PRKCB: variants seen among roughly 807,000 people sequenced by gnomAD.
The protein encoded by PRKCB is protein kinase C beta type.
A neutral mutation model predicts 81.5 loss-of-function variants in PRKCB; 13 were observed. That is an observed-to-expected ratio of 0.16 (90% CI 0.10 to 0.25). The LOEUF (loss-of-function observed/expected upper bound fraction) is 0.25. PRKCB is among the 10% of genes least tolerant of loss of function. The pLI is 1.00. For synonymous variants in PRKCB, 335 were observed against 321.4 expected, an observed-to-expected ratio of 1.04 and a Z score of -0.45; for missense variants, 509 against 875.7, an observed-to-expected ratio of 0.58 and a Z score of 5.29.
intron 9 of PRKCB, among the ~76,000 whole-genome samples, chr16:24,127,155 C>T (rs770592745): frequency 5.9e-5 from 9 of 151,878 alleles, no homozygotes; most frequent in African/African-American, 1.9e-4. Flanking sequence ...TACAGGCACG[C>T]GCCACCACGC....
At chr16:23,962,860 A>G (rs1461761260) in intron 2 of PRKCB, 1 of 152,032 alleles carries the variant, frequency 6.6e-6, no homozygotes, top group African/African-American at 2.4e-5. Flanking sequence ...GTAACAGTAT[A>G]TGTGGTATCC....
intron 5 of PRKCB, among the ~76,000 whole-genome samples, chr16:24,082,389 T>A (rs1966260890): frequency 6.6e-6 from 1 of 152,168 alleles, no homozygotes; most frequent in Admixed American, 6.5e-5. Flanking sequence ...GGGCAGTGAA[T>A]CCAGAATGGC....
At chr16:23,889,954 C>T (rs1292802332) in intron 2 of PRKCB, among the ~76,000 whole-genome samples, 1 of 151,964 alleles carries the variant, frequency 6.6e-6, no homozygotes, top group Non-Finnish European at 1.5e-5. Context: ...GAGTTTCCTC[C>T]CAAAATTTAT....
chr16:23,839,451 A>AC (rs1962229139), intron 2 of PRKCB, among the ~76,000 whole-genome samples: 1 of 152,070 alleles, frequency 6.6e-6, no homozygotes, highest in East Asian at 1.9e-4. Context: ...TTTTAAAACA[A>AC]CTTTTGTAGA....
At chr16:24,176,404 C>A (rs1967532124) in intron 12 of PRKCB, among the ~76,000 whole-genome samples, 1 of 151,864 alleles carries the variant, frequency 6.6e-6, no homozygotes, top group African/African-American at 2.4e-5. Context: ...CAGAGCAAGA[C>A]CATGTCTCTA....
chr16:23,937,265 C>G (rs893035447), intron 2 of PRKCB, among the ~76,000 whole-genome samples: 1 of 152,182 alleles, frequency 6.6e-6, no homozygotes, highest in Admixed American at 6.5e-5. Flanking sequence ...TGCTTCTGTG[C>G]ACTGAAGTTT....
chr16:24,105,985 C>A (rs1043985826), intron 7 of PRKCB, among the ~76,000 whole-genome samples: 5 of 149,466 alleles, frequency 3.3e-5, no homozygotes, highest in Non-Finnish European at 4.5e-5. Flanking sequence ...CTATTTCATT[C>A]TTTTTTTTTC....
At chr16:23,907,059 T>C (rs899718512) in intron 2 of PRKCB, among the ~76,000 whole-genome samples, 7 of 152,114 alleles carry the variant, frequency 4.6e-5, no homozygotes, top group African/African-American at 1.7e-4. Flanking sequence ...TTCTCAACCT[T>C]GGCATTATTG....
At chr16:23,999,240 A>C (rs998672300) in intron 3 of PRKCB, among the ~76,000 whole-genome samples, 2 of 152,208 alleles carry the variant, frequency 1.3e-5, no homozygotes, top group African/African-American at 4.8e-5. Flanking sequence ...ACTGGTGTGC[A>C]GCAAGTTCGT....
intron 2 of PRKCB, among the ~76,000 whole-genome samples, chr16:23,923,047 T>C (rs2141747742): frequency 6.6e-6 from 1 of 152,264 alleles, no homozygotes; most frequent in East Asian, 1.9e-4. Context: ...AATGCTGTTA[T>C]TTGAATCTTA....
chr16:23,975,682 C>T (rs2141807350), intron 2 of PRKCB, among the ~76,000 whole-genome samples: 1 of 152,282 alleles, frequency 6.6e-6, no homozygotes, highest in East Asian at 1.9e-4. Flanking sequence ...TCTCAACTTT[C>T]CTGAATTCAC....
In PRKCB at chr16:23,872,063, A is replaced by G. The variant is rs191539885; in HGVS notation, c.205+34657A>G. Among the ~76,000 whole-genome samples, 3 of 152,244 alleles carry G rather than the reference A, an allele frequency of 2.0e-5. No homozygotes were observed. In the East Asian group the frequency reaches 5.8e-4, roughly 29 times the overall value. The stretch of plus-strand genomic sequence containing the variant: ...ATAATTGTCAAGAACATGCTACATC[A>G]AGGCCTGAGTGGCTTTGCCACGGCT... On this transcript the variant is annotated intron_variant, in intron 2 of 16. Coordinates refer to ENST00000643927, the MANE Select transcript of PRKCB (RefSeq NM_002738.7).
chr16:24,006,716 C>T (rs758126512), intron 3 of PRKCB, among the ~76,000 whole-genome samples: 29 of 152,012 alleles, frequency 1.9e-4, no homozygotes, highest in African/African-American at 3.9e-4. Context: ...ATTATCTGGC[C>T]GAGCTCAAGT....
At chr16:24,006,851 G>A (rs1361784138) in intron 3 of PRKCB, among the ~76,000 whole-genome samples, 4 of 152,012 alleles carry the variant, frequency 2.6e-5, no homozygotes, top group Non-Finnish European at 5.9e-5. Context: ...TGGGGAGGGG[G>A]AAGAAGGCAC....
Position 24,069,874 on chromosome 16 carries a change from T to G in PRKCB, c.530-22917T>G, listed in dbSNP as rs116434762. 7.9e-3 allele frequency among the ~76,000 whole-genome samples: 1,208 copies of G among 152,212 alleles called. 21 individuals are homozygous for G. The highest frequency in any genetic ancestry group is 0.027 in the African/African-American group (1,133 of 41,506). Reference sequence around the variant, plus strand: ...CTGTATATTCTCTCTGGGCTGGAGGTCTTAAGATTCTTCTCCATTCCCAAC... The same window carrying G: ...CTGTATATTCTCTCTGGGCTGGAGGGCTTAAGATTCTTCTCCATTCCCAAC... On this transcript the variant is annotated intron_variant, in intron 5 of 16. Coordinates refer to ENST00000643927, the MANE Select transcript of PRKCB (RefSeq NM_002738.7).
At chr16:23,938,320 T>C (rs531570700) in intron 2 of PRKCB, among the ~76,000 whole-genome samples, 2 of 152,282 alleles carry the variant, frequency 1.3e-5, no homozygotes, top group African/African-American at 4.8e-5. Context: ...TTTTCAGATA[T>C]AAAAAGGCAC....
intron 12 of PRKCB, among the ~76,000 whole-genome samples, chr16:24,177,448 T>C (rs569648561): frequency 4.6e-5 from 7 of 152,310 alleles, no homozygotes; most frequent in South Asian, 2.1e-4. Context: ...CCTTCTTTTG[T>C]GTATGTGGAA....
chr16:24,136,021 G>T (rs143364822), intron 9 of PRKCB, among the ~76,000 whole-genome samples: 1,844 of 151,078 alleles, frequency 0.012, 29 homozygotes, highest in South Asian at 0.035. Flanking sequence ...TGGTTCTATC[G>T]CAATTATGTC....
At chr16:24,128,618 G>T (rs1211234697) in intron 9 of PRKCB, among the ~76,000 whole-genome samples, 1 of 152,164 alleles carries the variant, frequency 6.6e-6, no homozygotes, top group Non-Finnish European at 1.5e-5. Flanking sequence ...GGGCCTGTTG[G>T]CATGGCTGGC....
Sources: allele counts gnomAD v4.1 joint callset (sites outside exome capture counted in the v4.1 genomes callset), GRCh38; gene constraint gnomAD v4.1.1; transcripts MANE v1.5; gene names NCBI Gene and HGNC (gene_info 2026-07-23, HGNC 2026-07-21).